KIF16B: variants seen among roughly 807,000 people sequenced by gnomAD.
The protein encoded by KIF16B is kinesin-like protein KIF16B.
KIF16B carries 98 observed loss-of-function variants against 156.3 expected under a neutral mutation model. The ratio of observed to expected loss-of-function variants is 0.63; its 90% CI spans 0.53 to 0.74. KIF16B has a LOEUF of 0.74. Among genes scored for constraint, KIF16B ranks in the 30% least tolerant of loss-of-function variants. KIF16B has a pLI of 0.00. For missense variants in KIF16B, 1,421 were observed against 1,606.5 expected, an observed-to-expected ratio of 0.88 and a Z score of 1.97; for synonymous variants, 564 against 583.7, an observed-to-expected ratio of 0.97 and a Z score of 0.49.
chr20:16,448,102 T>C (rs918183182), intron 12 of KIF16B, among the ~76,000 whole-genome samples: 3 of 152,136 alleles, frequency 2.0e-5, no homozygotes, highest in Non-Finnish European at 4.4e-5. Context: ...TAGGTCATCA[T>C]CCCAACCCAA....
At chr20:16,321,554 TAA>T (rs2063773246) in intron 24 of KIF16B, among the ~76,000 whole-genome samples, 1 of 152,038 alleles carries the variant, frequency 6.6e-6, no homozygotes, top group Non-Finnish European at 1.5e-5. Context: ...TGCTGATGAT[TAA>T]AATCTCCCTA....
chr20:16,570,890 G>A (rs1326900972), intron 1 of KIF16B, among the ~76,000 whole-genome samples: 3 of 152,060 alleles, frequency 2.0e-5, no homozygotes, highest in Admixed American at 6.6e-5. Flanking sequence ...TTCTTCTCAC[G>A]TAACATCCTT....
At chr20:16,504,685 T>G in intron 9 of KIF16B, 138 bp from the exon 10 acceptor site, 1 of 627,918 alleles carries the variant, frequency 1.6e-6, no homozygotes, top group Non-Finnish European at 2.7e-6. Flanking sequence ...GTAATGAATA[T>G]GAAAAATTAT....
intron 25 of KIF16B, among the ~76,000 whole-genome samples, chr20:16,278,218 G>A (rs535698123): frequency 5.9e-5 from 9 of 152,222 alleles, no homozygotes; most frequent in African/African-American, 2.2e-4. Context: ...GGGCTGTCTA[G>A]GGGAGGACAA....
intron 17 of KIF16B, among the ~76,000 whole-genome samples, chr20:16,385,292 C>T (rs1007029349): frequency 2.6e-5 from 4 of 151,992 alleles, no homozygotes; most frequent in Non-Finnish European, 5.9e-5. Context: ...AGAAGTGAAG[C>T]TCTCTCCTGA....
intron 15 of KIF16B, among the ~76,000 whole-genome samples, chr20:16,416,283 C>T (rs1361100028): frequency 6.6e-6 from 1 of 152,148 alleles, no homozygotes; most frequent in Admixed American, 6.5e-5. Context: ...AAAATCTTTG[C>T]CCATGCCTAT....
chr20:16,390,711 C>T (rs2065343092), intron 17 of KIF16B, among the ~76,000 whole-genome samples: 2 of 152,166 alleles, frequency 1.3e-5, no homozygotes, highest in African/African-American at 4.8e-5. Context: ...TAAAAATGAT[C>T]CATCATTACA....
intron 14 of KIF16B, 37 bp downstream of exon 14, chr20:16,428,916 A>C (rs1336850753): frequency 6.3e-7 from 1 of 1,582,932 alleles, no homozygotes; most frequent in East Asian, 2.2e-5. Flanking sequence ...CAACCTTAAA[A>C]AATCATTGGG....
At chr20:16,522,970 G>A (rs997500129) in intron 3 of KIF16B, among the ~76,000 whole-genome samples, 16 of 152,002 alleles carry the variant, frequency 1.1e-4, no homozygotes, top group Non-Finnish European at 1.9e-4. Flanking sequence ...AAAGGCCTTC[G>A]AAAAAACTCA....
At chr20:16,441,872 C>T (rs1054354251) in intron 12 of KIF16B, among the ~76,000 whole-genome samples, 3 of 152,286 alleles carry the variant, frequency 2.0e-5, no homozygotes, top group Non-Finnish European at 4.4e-5. Context: ...GTGAGTAAAG[C>T]AGGCACCCTC....
chr20:16,511,131 T>C (rs745970500), intron 6 of KIF16B, among the ~76,000 whole-genome samples: 2 of 152,210 alleles, frequency 1.3e-5, no homozygotes, highest in Non-Finnish European at 2.9e-5. Context: ...GAGAGACAGA[T>C]TGCAGGTTTG....
chr20:16,387,242 G>C (rs547990212), intron 17 of KIF16B, among the ~76,000 whole-genome samples: 2 of 152,296 alleles, frequency 1.3e-5, no homozygotes, highest in South Asian at 2.1e-4. Flanking sequence ...GAAATGAGCA[G>C]AAAGGGCTGG....
chr20:16,304,592 G>A (rs2063516254), intron 25 of KIF16B, among the ~76,000 whole-genome samples: 2 of 152,148 alleles, frequency 1.3e-5, no homozygotes, highest in South Asian at 2.1e-4. Flanking sequence ...AAACCTAAAT[G>A]AGGAAGAAAA....
intron 15 of KIF16B, among the ~76,000 whole-genome samples, chr20:16,414,816 A>G (rs938720937): frequency 6.6e-6 from 1 of 152,128 alleles, no homozygotes; most frequent in African/African-American, 2.4e-5. Context: ...GACATCCCCA[A>G]CTTAAGACGG....
At chr20:16,396,740 C>T (rs1458715424) in intron 17 of KIF16B, among the ~76,000 whole-genome samples, 1 of 146,440 alleles carries the variant, frequency 6.8e-6, no homozygotes, top group African/African-American at 2.5e-5. Context: ...CATTCGTCTT[C>T]TTCCCCGATT....
intron 1 of KIF16B, among the ~76,000 whole-genome samples, chr20:16,545,999 C>T (rs2070392561): frequency 6.6e-6 from 1 of 152,028 alleles, no homozygotes; most frequent in Admixed American, 6.6e-5. Context: ...GGAAGGGATA[C>T]TGGTATAATT....
chr20:16,510,382 T>G (rs1278969869), intron 6 of KIF16B, among the ~76,000 whole-genome samples: 1 of 152,196 alleles, frequency 6.6e-6, no homozygotes, highest in Admixed American at 6.5e-5. Context: ...CCGGGCGTGG[T>G]GGCTCACACC....
At chr20:16,343,459 G>C (rs1404604182) in intron 23 of KIF16B, among the ~76,000 whole-genome samples, 1 of 152,146 alleles carries the variant, frequency 6.6e-6, no homozygotes, top group Non-Finnish European at 1.5e-5. Context: ...TACTTGAAGA[G>C]TCCTCTTCAG....
chr20:16,452,851 GA>G (rs955211414), intron 12 of KIF16B, among the ~76,000 whole-genome samples: 2 of 141,128 alleles, frequency 1.4e-5, no homozygotes, highest in African/African-American at 5.3e-5. Flanking sequence ...AAAAAAGAAA[GA>G]AAAAAAGAAA....
Sources: allele counts gnomAD v4.1 joint callset (sites outside exome capture counted in the v4.1 genomes callset), GRCh38; gene constraint gnomAD v4.1.1; transcripts MANE v1.5; gene names NCBI Gene and HGNC (gene_info 2026-07-23, HGNC 2026-07-21).